The following ANKS1B variants were observed in gnomAD, a reference collection of about 807,000 sequenced individuals.
The protein encoded by ANKS1B is ankyrin repeat and sterile alpha motif domain containing 1B, also known as ankyrin repeat and sterile alpha motif domain-containing protein 1B.
ANKS1B carries 36 observed loss-of-function variants against 148.3 expected under a neutral mutation model. The observed-to-expected ratio is 0.24, with a 90% confidence interval of 0.19 to 0.32. The LOEUF (loss-of-function observed/expected upper bound fraction) is 0.32. Ranked by LOEUF, ANKS1B falls within the 10% of genes least tolerant of loss-of-function variation. ANKS1B has a pLI of 1.00. For synonymous variants in ANKS1B, 542 were observed against 560.8 expected (o/e 0.97, Z 0.47); for missense variants, 1,157 against 1,542.6 (o/e 0.75, Z 4.19).
intron 1 of ANKS1B, among the ~76,000 whole-genome samples, chr12:99,830,247 A>G (rs1234016454): frequency 6.6e-6 from 1 of 152,232 alleles, no homozygotes; most frequent in African/African-American, 2.4e-5. Context: ...CAGATAAATT[A>G]CAATATAGGC....
At chr12:98,874,120 A>G (rs1259275619) in intron 17 of ANKS1B, among the ~76,000 whole-genome samples, 1 of 152,194 alleles carries the variant, frequency 6.6e-6, no homozygotes, top group African/African-American at 2.4e-5. Flanking sequence ...TACAGAATCA[A>G]TAGGAAGCCA....
intron 19 of ANKS1B, among the ~76,000 whole-genome samples, chr12:98,816,863 C>G (rs930790998): frequency 6.6e-6 from 1 of 152,010 alleles, no homozygotes; most frequent in African/African-American, 2.4e-5. Context: ...ACTCGATAAC[C>G]CCTATTAAGC....
At chr12:99,826,180 C>T (rs1173388722) in intron 1 of ANKS1B, among the ~76,000 whole-genome samples, 2 of 152,142 alleles carry the variant, frequency 1.3e-5, no homozygotes, top group Non-Finnish European at 2.9e-5. Flanking sequence ...ATTCACAAAA[C>T]ATTTATTGTA....
chr12:99,237,876 C>T (rs139976083), intron 14 of ANKS1B, among the ~76,000 whole-genome samples: 60 of 152,328 alleles, frequency 3.9e-4, no homozygotes, highest in African/African-American at 1.3e-3. Flanking sequence ...CTCAGCCTCC[C>T]GAGTACCTGG....
chr12:99,053,057 A>G (rs1394935014), intron 17 of ANKS1B, 100 bp downstream of exon 17: 1 of 1,102,892 alleles, frequency 9.1e-7, no homozygotes, highest in Non-Finnish European at 1.2e-6. Context: ...AGGCATATCT[A>G]TAAATCCCCA....
chr12:99,689,247 A>G (rs1229570648), intron 8 of ANKS1B, among the ~76,000 whole-genome samples: 2 of 152,250 alleles, frequency 1.3e-5, no homozygotes, highest in Admixed American at 1.3e-4. Flanking sequence ...CCTAATAATT[A>G]GACTGGATTG....
chr12:99,389,488 A>G (rs979007810), intron 12 of ANKS1B, among the ~76,000 whole-genome samples: 2 of 152,176 alleles, frequency 1.3e-5, no homozygotes, highest in Admixed American at 6.5e-5. Context: ...CTTTTGTTTT[A>G]ATTTTTCAAT....
chr12:99,054,393 T>C (rs1257676447), intron 16 of ANKS1B, among the ~76,000 whole-genome samples: 1 of 152,236 alleles, frequency 6.6e-6, no homozygotes, highest in East Asian at 1.9e-4. Context: ...CAGATTTTAA[T>C]CTTAAACATG....
chr12:99,928,447 T>G (rs4764771), intron 1 of ANKS1B, among the ~76,000 whole-genome samples: 88,721 of 147,810 alleles, frequency 0.6, 27,598 homozygotes, highest in Middle Eastern at 0.69. Context: ...CCCGGCTAAT[T>G]TTTTGTATTT....
intron 12 of ANKS1B, among the ~76,000 whole-genome samples, chr12:99,346,846 C>G (rs2152361846): frequency 6.6e-6 from 1 of 152,088 alleles, no homozygotes; most frequent in Middle Eastern, 3.4e-3. Flanking sequence ...CCTGCTTCCC[C>G]TTCACCTACT....
At chr12:99,840,929 C>A (rs1177742348) in intron 1 of ANKS1B, among the ~76,000 whole-genome samples, 1 of 152,136 alleles carries the variant, frequency 6.6e-6, no homozygotes, top group Non-Finnish European at 1.5e-5. Flanking sequence ...ACTGGATTCT[C>A]ATGGATACCT....
intron 12 of ANKS1B, among the ~76,000 whole-genome samples, chr12:99,289,996 T>C (rs192145207): frequency 4.0e-4 from 61 of 151,534 alleles, no homozygotes; most frequent in African/African-American, 1.5e-3. Context: ...GTTGGTTTTT[T>C]GAAAAGATAA....
At chr12:99,327,113 ATAAC>A (rs2086485181) in intron 12 of ANKS1B, among the ~76,000 whole-genome samples, 2 of 127,216 alleles carry the variant, frequency 1.6e-5, no homozygotes, top group African/African-American at 6.0e-5. Context: ...ATATATTAAT[ATAAC>A]TAATATAATT....
chr12:99,637,084 T>A (rs2098245217), intron 9 of ANKS1B, among the ~76,000 whole-genome samples: 1 of 152,100 alleles, frequency 6.6e-6, no homozygotes, highest in African/African-American at 2.4e-5. Context: ...GGTGGGTGGA[T>A]CATTTGAGGT....
chr12:99,463,111 C>T (rs1317809887), intron 10 of ANKS1B, among the ~76,000 whole-genome samples: 1 of 152,028 alleles, frequency 6.6e-6, no homozygotes, highest in African/African-American at 2.4e-5. Context: ...GAAAAAAATA[C>T]CCTAATAGAA....
intron 10 of ANKS1B, among the ~76,000 whole-genome samples, chr12:99,471,974 G>A (rs1170033163): frequency 6.6e-6 from 1 of 151,992 alleles, no homozygotes; most frequent in Admixed American, 6.6e-5. Context: ...AATTCGTAGT[G>A]CAAAACGTTT....
chr12:99,154,885 G>C, intron 14 of ANKS1B: 1 of 1,534,820 alleles, frequency 6.5e-7, no homozygotes, highest in Non-Finnish European at 8.7e-7. Context: ...GCTACACCTC[G>C]CATTTTCAAT....
intron 8 of ANKS1B, among the ~76,000 whole-genome samples, chr12:99,711,598 G>C (rs2056643196): frequency 6.6e-6 from 1 of 152,118 alleles, no homozygotes; most frequent in African/African-American, 2.4e-5. Flanking sequence ...ATGAAAAAAA[G>C]CTCAATATCA....
intron 10 of ANKS1B, among the ~76,000 whole-genome samples, chr12:99,493,467 G>A (rs2152974538): frequency 6.6e-6 from 1 of 151,988 alleles, no homozygotes; most frequent in Middle Eastern, 3.4e-3. Flanking sequence ...CAGGACTTTA[G>A]GAGACTATTA....
Sources: gnomAD v4.1 joint callset for allele counts (sites outside exome capture counted in the v4.1 genomes callset) on GRCh38, gnomAD v4.1.1 for gene constraint, MANE v1.5 for transcripts, NCBI Gene and HGNC (gene_info 2026-07-23, HGNC 2026-07-21) for gene names.